ROBO2: variants seen among roughly 807,000 people sequenced by gnomAD.
ROBO2 encodes roundabout homolog 2.
In ROBO2, 53 loss-of-function variants were observed where a neutral mutation model predicts 160.8. The ratio of observed to expected loss-of-function variants is 0.33; its 90% CI spans 0.26 to 0.41. ROBO2 has a LOEUF of 0.41. Among genes scored for constraint, ROBO2 ranks in the 10% least tolerant of loss-of-function variants. The pLI is 1.00. For missense variants in ROBO2, 1,577 were observed against 1,722.4 expected (o/e 0.92, Z 1.49); for synonymous variants, 664 against 611.7 (o/e 1.09, Z -1.26).
chr3:77,557,533 C>T (rs1482422879), intron 8 of ROBO2, among the ~76,000 whole-genome samples: 1 of 151,844 alleles, frequency 6.6e-6, no homozygotes, highest in Non-Finnish European at 1.5e-5. Flanking sequence ...TCATATGATA[C>T]TTCACACACT....
At position 76,875,639 on chromosome 3, in the gene ROBO2, G is replaced by C. The variant is rs1207428722; in HGVS notation, c.110-222375G>C. On this transcript the variant is annotated intron_variant, in intron 2 of 26. Transcript: ENST00000487694. Reference sequence around the variant, plus strand: ...TGAACTCTATCATACTTCCTTTTTGGATTCAGACCCTTTTGCCTCCATCTT... The same window carrying C: ...TGAACTCTATCATACTTCCTTTTTGCATTCAGACCCTTTTGCCTCCATCTT... 4.6e-5 allele frequency among the ~76,000 whole-genome samples: 7 copies of C among 151,754 alleles called. No individual in the cohort carries two copies. In the East Asian group the frequency reaches 1.4e-3, roughly 29 times the overall value.
intron 2 of ROBO2, among the ~76,000 whole-genome samples, chr3:75,983,397 A>G (rs2065331440): frequency 6.6e-6 from 1 of 151,388 alleles, no homozygotes; most frequent in South Asian, 2.1e-4. Context: ...AATGTGTAAA[A>G]CCATTCCCAA....
chr3:77,632,772 C>G, intron 23 of ROBO2: 1 of 894,876 alleles, frequency 1.1e-6, no homozygotes. Context: ...TTCTTTAATA[C>G]GCATGAATAC....
At chr3:77,279,453 A>G (rs889413930) in intron 2 of ROBO2, among the ~76,000 whole-genome samples, 1 of 152,136 alleles carries the variant, frequency 6.6e-6, no homozygotes, top group Non-Finnish European at 1.5e-5. Context: ...TATGCATAGT[A>G]GAAAATTCCA....
rs899756915 is a variant in ROBO2 at position 76,995,510 on chromosome 3, A to C, written c.110-102504A>C. Among the ~76,000 whole-genome samples, 330 of 152,166 alleles carry C rather than the reference A, an allele frequency of 2.2e-3. 1 individual carries two copies. The highest frequency in any genetic ancestry group is 3.8e-3 in the African/African-American group (159 of 41,538). ...CAAATGGTATTTCTAGTTCTAGATCACTGAGGAATCGCCACACTGACTTCC... is the reference window on the plus strand; with the variant it reads ...CAAATGGTATTTCTAGTTCTAGATCCCTGAGGAATCGCCACACTGACTTCC... On this transcript the variant is annotated intron_variant, in intron 2 of 26. Transcript: ENST00000487694.
At chr3:76,453,706 A>T (rs1439729696) in intron 2 of ROBO2, among the ~76,000 whole-genome samples, 5 of 152,148 alleles carry the variant, frequency 3.3e-5, no homozygotes, top group Non-Finnish European at 5.9e-5. Flanking sequence ...GACCTGCCAA[A>T]CATGTCATGG....
chr3:77,312,524 C>T (rs189762428), intron 2 of ROBO2, among the ~76,000 whole-genome samples: 14 of 152,296 alleles, frequency 9.2e-5, no homozygotes, highest in Admixed American at 2.0e-4. Context: ...TTTCAATTCA[C>T]ACATAAACCA....
At chr3:76,598,281 G>A (rs986391680) in intron 2 of ROBO2, among the ~76,000 whole-genome samples, 1 of 152,072 alleles carries the variant, frequency 6.6e-6, no homozygotes, top group Non-Finnish European at 1.5e-5. Context: ...GGAAGGAAGG[G>A]AAGAGGAAAG....
At chr3:77,562,606 A>G in intron 9 of ROBO2, 45 bp from the exon 11 acceptor site, 1 of 1,378,982 alleles carries the variant, frequency 7.3e-7, no homozygotes, top group African/African-American at 1.4e-5. Flanking sequence ...ATTATTCTGC[A>G]AATTGACTGA....
chr3:76,907,823 G>GGTGTGTGAGT (rs2075707278), intron 2 of ROBO2, among the ~76,000 whole-genome samples: 1 of 145,432 alleles, frequency 6.9e-6, no homozygotes, highest in Admixed American at 6.8e-5. Context: ...GTTTGTTTGG[G>GGTGTGTGAGT]GTGTGTGTGT....
At chr3:77,544,894 G>A (rs1436068209) in intron 6 of ROBO2, among the ~76,000 whole-genome samples, 1 of 152,028 alleles carries the variant, frequency 6.6e-6, no homozygotes, top group Admixed American at 6.6e-5. Flanking sequence ...GTAGGGAGAC[G>A]CCCTTGTGAA....
chr3:77,538,135 T>G (rs1314259809), intron 6 of ROBO2, among the ~76,000 whole-genome samples: 1 of 150,172 alleles, frequency 6.7e-6, no homozygotes, highest in East Asian at 2.0e-4. Flanking sequence ...AATAGTTAAT[T>G]AGAAAGGTAG....
intron 2 of ROBO2, among the ~76,000 whole-genome samples, chr3:77,295,158 A>T (rs2061906332): frequency 6.6e-6 from 1 of 151,186 alleles, no homozygotes; most frequent in Non-Finnish European, 1.5e-5. Flanking sequence ...TTGACGGTTA[A>T]ACGGGTAAGC....
At chr3:76,256,767 A>G (rs191196992) in intron 2 of ROBO2, among the ~76,000 whole-genome samples, 241 of 152,138 alleles carry the variant, frequency 1.6e-3, no homozygotes, top group African/African-American at 5.6e-3. Flanking sequence ...GTAATTTATA[A>G]GAAAAAGAGA....
intron 2 of ROBO2, among the ~76,000 whole-genome samples, chr3:77,406,247 A>T (rs984333765): frequency 6.6e-6 from 1 of 152,098 alleles, no homozygotes; most frequent in African/African-American, 2.4e-5. Flanking sequence ...CATGGGGGAA[A>T]CCACCCCCAT....
intron 2 of ROBO2, among the ~76,000 whole-genome samples, chr3:76,373,261 G>T (rs1040118667): frequency 2.6e-5 from 4 of 151,928 alleles, no homozygotes; most frequent in Non-Finnish European, 5.9e-5. Flanking sequence ...TGATTGTAAA[G>T]AGCTCTGCTT....
At chr3:76,286,242 T>C (rs1708499139) in intron 2 of ROBO2, among the ~76,000 whole-genome samples, 1 of 152,136 alleles carries the variant, frequency 6.6e-6, no homozygotes, top group Non-Finnish European at 1.5e-5. Context: ...TTTGTCAAAG[T>C]AGATGTTTTT....
At chr3:76,841,690 C>T (rs1254853731) in intron 2 of ROBO2, among the ~76,000 whole-genome samples, 2 of 152,170 alleles carry the variant, frequency 1.3e-5, no homozygotes, top group East Asian at 3.9e-4. Context: ...TTTGTTCATG[C>T]CACCTAATTG....
chr3:76,623,164 C>T (rs2089351149), intron 2 of ROBO2, among the ~76,000 whole-genome samples: 1 of 152,206 alleles, frequency 6.6e-6, no homozygotes, highest in Non-Finnish European at 1.5e-5. Flanking sequence ...AATACTTTTT[C>T]AGTATGTACA....
Sources: allele counts gnomAD v4.1 joint callset (sites outside exome capture counted in the v4.1 genomes callset), GRCh38; gene constraint gnomAD v4.1.1; transcripts MANE v1.5; gene names NCBI Gene and HGNC (gene_info 2026-07-23, HGNC 2026-07-21).